The following AGL variants were observed in gnomAD, a reference collection of about 807,000 sequenced individuals.
AGL encodes amylo-alpha-1,6-glucosidase and 4-alpha-glucanotransferase.
A neutral mutation model predicts 199.3 loss-of-function variants in AGL; 128 were observed. The ratio of observed to expected loss-of-function variants is 0.64; its 90% CI spans 0.56 to 0.74. The LOEUF is 0.74. AGL is among the 30% of genes least tolerant of loss of function. AGL has a pLI of 0.00. For missense variants in AGL, 1,809 were observed against 1,820.8 expected (o/e 0.99, Z 0.12); for synonymous variants, 584 against 594.7 (o/e 0.98, Z 0.26).
intron 26 of AGL, 116 bp from the exon 27 acceptor site, chr1:99,902,567 T>G (rs962200089): frequency 2.4e-6 from 2 of 834,764 alleles, no homozygotes; most frequent in Non-Finnish European, 4.1e-6. Flanking sequence ...CCCCAATTCC[T>G]ATTTCTCACT....
intron 33 of AGL, among the ~76,000 whole-genome samples, chr1:99,918,983 C>A (rs1414681100): frequency 1.3e-5 from 2 of 152,104 alleles, no homozygotes; most frequent in African/African-American, 4.8e-5. Context: ...TTTCCTTGTT[C>A]TTTGGTAGTT....
intron 12 of AGL, 36 bp from the exon 13 acceptor site, chr1:99,879,887 A>T (rs1020092107): frequency 6.4e-7 from 1 of 1,551,464 alleles, no homozygotes; most frequent in Non-Finnish European, 8.9e-7. Flanking sequence ...TTTCTGTTAC[A>T]TTTATTTGTT....
At chr1:99,909,952 A>G (rs955737770) in intron 27 of AGL, among the ~76,000 whole-genome samples, 5 of 152,202 alleles carry the variant, frequency 3.3e-5, no homozygotes, top group African/African-American at 1.2e-4. Flanking sequence ...ATATACTATA[A>G]TCAATAATTT....
chr1:99,856,024 T>G (rs1649386748), intron 2 of AGL, among the ~76,000 whole-genome samples: 1 of 152,214 alleles, frequency 6.6e-6, no homozygotes, highest in Non-Finnish European at 1.5e-5. Context: ...TTATGCTAGT[T>G]GCCTACAAGA....
intron 20 of AGL, among the ~76,000 whole-genome samples, chr1:99,886,725 T>C (rs926154210): frequency 6.6e-6 from 1 of 152,234 alleles, no homozygotes; most frequent in Non-Finnish European, 1.5e-5. Flanking sequence ...TGTTGTTTTA[T>C]GTATTACCCC....
Position 99,869,621 on chromosome 1 carries a change from G to A in AGL, c.665-779G>A, listed in dbSNP as rs574137291. On this transcript the variant is annotated intron_variant, in intron 5 of 33. Coordinates refer to ENST00000361915, the MANE Select transcript of AGL (RefSeq NM_000642.3). ...TGTCCTAATTTGTGTGGTAGGAAGT[G>A]AGGAATAATAAATTAGTGTATTTAA... is the stretch of plus-strand genomic sequence containing the variant. Among the ~76,000 whole-genome samples the A allele has an allele frequency of 3.3e-5, 5 of 152,324 alleles. No homozygotes were observed. The East Asian group carries it at 9.6e-4, about 29-fold the overall frequency.
chr1:99,854,021 C>T (rs548864061), intron 2 of AGL, among the ~76,000 whole-genome samples: 2 of 152,164 alleles, frequency 1.3e-5, no homozygotes, highest in South Asian at 2.1e-4. Flanking sequence ...TGGTGAAACC[C>T]CTTCTCTACT....
At chr1:99,852,536 AT>A (rs58176899) in intron 2 of AGL, 49,083 of 469,850 alleles carry the variant, frequency 0.1, 1 homozygote, top group East Asian at 0.12. Flanking sequence ...TGCCCCGCTA[AT>A]TTTTTTTTTT....
At chr1:99,859,580 C>G (rs1649870913) in intron 2 of AGL, among the ~76,000 whole-genome samples, 1 of 151,738 alleles carries the variant, frequency 6.6e-6, no homozygotes, top group South Asian at 2.1e-4. Flanking sequence ...TGGAGTCTTG[C>G]TCTGTCACCC....
rs143287982 is a variant in AGL at position 99,877,675 on chromosome 1, C to T, written c.1458C>T (p.Cys486=). The change falls in exon 12 of 34, where the codon TGC becomes TGT. Residue 486 remains cysteine, a synonymous_variant. Coordinates refer to ENST00000361915, the MANE Select transcript of AGL (RefSeq NM_000642.3). ...SEVYLRRELI[C]WGDSVKLRYG... is the part of the protein sequence containing the mutation. ...TTTACCTAAGGAGAGAACTTATTTGCTGGGGAGACAGTGTTAAATTACGCT... is the reference window on the plus strand; with the variant it reads ...TTTACCTAAGGAGAGAACTTATTTGTTGGGGAGACAGTGTTAAATTACGCT... 72 of 1,613,812 alleles carry T rather than the reference C, an allele frequency of 4.5e-5. No homozygotes were observed. Among genetic ancestry groups the T allele is most frequent in the Non-Finnish European group, 5.6e-5 (66 of 1,179,940 alleles).
intron 25 of AGL, among the ~76,000 whole-genome samples, chr1:99,898,286 TC>T (rs1448416512): frequency 6.6e-6 from 1 of 152,162 alleles, no homozygotes; most frequent in Non-Finnish European, 1.5e-5. Context: ...GACCTTATGA[TC>T]CGCCTGCCTC....
rs1292593653 is a variant in AGL, at chr1:99,862,430, T to C, written c.460+7T>C. 2.5e-6 allele frequency: 4 copies of C among 1,613,744 alleles called. No homozygotes were observed. The highest frequency in any genetic ancestry group is 3.4e-6 in the Non-Finnish European group (4 of 1,179,868). On this transcript the variant is annotated splice_region_variant and intron_variant, in intron 4 of 33. Transcript: ENST00000361915. ...AGGGTTGCAAAAGAATCAGGTAATG[T>C]CAGCTTGCTTTCTTTTTCTTATTTA... is the stretch of plus-strand genomic sequence containing the variant.
In AGL at chr1:99,871,295, C is replaced by T. The variant is rs186400723; in HGVS notation, c.958+426C>T. On this transcript the variant is annotated intron_variant, in intron 7 of 33. Transcript: ENST00000361915. Reference sequence around the variant, plus strand: ...GTAGAGGGGCTCCCAGCTGATTTTGCGCACTATTAAGGCCACCTAACCACT... The same window carrying T: ...GTAGAGGGGCTCCCAGCTGATTTTGTGCACTATTAAGGCCACCTAACCACT... Among the ~76,000 whole-genome samples the T allele has an allele frequency of 2.6e-5, 4 of 152,062 alleles. No homozygotes were observed. In the East Asian group the frequency reaches 5.8e-4, roughly 22 times the overall value.
intron 2 of AGL, among the ~76,000 whole-genome samples, chr1:99,860,936 G>A (rs573638238): frequency 1.3e-5 from 2 of 152,264 alleles, no homozygotes; most frequent in South Asian, 2.1e-4. Flanking sequence ...GATATCAGTC[G>A]GGTTCAGTTG....
At position 99,851,044 on chromosome 1, in the gene AGL, TG is replaced by T; in HGVS notation, c.5del (p.Gly2?). 1 of 1,613,628 alleles carries T rather than the reference TG, an allele frequency of 6.2e-7. No homozygotes were observed. Among genetic ancestry groups the T allele is most frequent in the South Asian group, 1.1e-5 (1 of 91,074 alleles). On this transcript the variant is annotated frameshift_variant and start_lost, in exon 2 of 34. Coordinates refer to ENST00000361915, the MANE Select transcript of AGL (RefSeq NM_000642.3). LOFTEE classifies it high-confidence loss of function. ...ATTTCAAATCCTCTAGAAGCCAAAATGGGACACAGTAAACAGATTCGAATTT... is the reference window on the plus strand; with the variant it reads ...ATTTCAAATCCTCTAGAAGCCAAAATGGACACAGTAAACAGATTCGAATTT... [M>X]GHSKQIRILL...
chr1:99,866,778 CCTTT>C (rs1340185294), intron 5 of AGL, among the ~76,000 whole-genome samples: 3 of 146,526 alleles, frequency 2.0e-5, no homozygotes, highest in Non-Finnish European at 4.5e-5. Flanking sequence ...ATCGTAATAT[CCTTT>C]CTGTGAAACA....
Position 99,922,888 on chromosome 1 carries a change from A to AT in AGL, c.*1244dup, listed in dbSNP as rs1439067261. 1 of 151,972 alleles carries AT rather than the reference A, an allele frequency of 6.6e-6. No individual in the cohort carries two copies. Among genetic ancestry groups the AT allele is most frequent in the Non-Finnish European group, 1.5e-5 (1 of 67,910 alleles). The allele number at this position is 151,972 out of a possible 1,614,324, so 9.4% of individuals were successfully genotyped here. A position where few individuals can be genotyped will look rare whatever the true frequency, so the allele number is the denominator to read the frequency against. On this transcript the variant is annotated 3_prime_UTR_variant, in exon 34 of 34. Transcript: ENST00000361915. ...AAAATAATGCTACTTTCAAAGTAGC[A>AT]TTTTTTTAGTTAGTTTACAGGTTAC... is the stretch of plus-strand genomic sequence containing the variant.
rs556386684 is a variant in AGL, at chr1:99,869,239, A to T, written c.665-1161A>T. On this transcript the variant is annotated intron_variant, in intron 5 of 33. Coordinates refer to ENST00000361915, the MANE Select transcript of AGL (RefSeq NM_000642.3). ...GATTGTGTTGATGAATCTCGGAGGA[A>T]CTACTTAATGCAAGTTTTGAGAATT... 5.9e-5 allele frequency among the ~76,000 whole-genome samples: 9 copies of T among 152,334 alleles called. No individual in the cohort carries two copies. In the East Asian group the frequency reaches 1.7e-3, roughly 29 times the overall value.
intron 17 of AGL, among the ~76,000 whole-genome samples, chr1:99,883,385 A>G (rs1033975112): frequency 6.6e-6 from 1 of 152,250 alleles, no homozygotes; most frequent in East Asian, 1.9e-4. Context: ...GAAGATATGC[A>G]CAAGAATATT....
Sources: allele counts gnomAD v4.1 joint callset (sites outside exome capture counted in the v4.1 genomes callset), GRCh38; gene constraint gnomAD v4.1.1; transcripts MANE v1.5; gene names NCBI Gene and HGNC (gene_info 2026-07-23, HGNC 2026-07-21).